DGKB: variants seen among roughly 807,000 people sequenced by gnomAD.
The protein encoded by DGKB is diacylglycerol kinase beta.
A neutral mutation model predicts 114.3 loss-of-function variants in DGKB; 67 were observed. That is an observed-to-expected ratio of 0.59 (90% confidence interval 0.48 to 0.72). DGKB has a LOEUF of 0.72. Among genes scored for constraint, DGKB ranks in the 30% least tolerant of loss-of-function variants. The pLI is 0.00. For missense variants in DGKB, 907 were observed against 975.2 expected (o/e 0.93, Z 0.93); for synonymous variants, 398 against 323.1 (o/e 1.23, Z -2.49).
chr7:14,859,487 G>A (rs986678917), intron 1 of DGKB, among the ~76,000 whole-genome samples: 3 of 152,094 alleles, frequency 2.0e-5, no homozygotes, highest in African/African-American at 7.2e-5. Flanking sequence ...CTCAAGTACA[G>A]GGGAACACTG....
At chr7:14,501,380 C>CT (rs80112636) in intron 20 of DGKB, among the ~76,000 whole-genome samples, 1 of 88,974 alleles carries the variant, frequency 1.1e-5, no homozygotes, top group Non-Finnish European at 2.1e-5. Context: ...TCTGATTGAG[C>CT]AACTTATAAT....
chr7:14,259,250 A>AT (rs1450582850), intron 23 of DGKB, among the ~76,000 whole-genome samples: 2 of 152,172 alleles, frequency 1.3e-5, no homozygotes, highest in East Asian at 3.9e-4. Flanking sequence ...AAAAAAGCCT[A>AT]TTTTATATAT....
At chr7:14,437,963 T>G (rs992673890) in intron 21 of DGKB, among the ~76,000 whole-genome samples, 3 of 151,840 alleles carry the variant, frequency 2.0e-5, no homozygotes, top group African/African-American at 7.3e-5. Flanking sequence ...TTACAAAAAT[T>G]CTTTCATTGC....
At chr7:14,807,346 T>C (rs1842898583) in intron 2 of DGKB, among the ~76,000 whole-genome samples, 1 of 150,370 alleles carries the variant, frequency 6.7e-6, no homozygotes, top group Admixed American at 6.6e-5. Flanking sequence ...ACTTAAATTT[T>C]TAATAAATAA....
At chr7:14,511,573 C>T (rs1426715588) in intron 20 of DGKB, among the ~76,000 whole-genome samples, 1 of 152,188 alleles carries the variant, frequency 6.6e-6, no homozygotes, top group Non-Finnish European at 1.5e-5. Context: ...GGCTGTTTCA[C>T]TTTCACTTCA....
At chr7:14,334,919 T>G (rs1278755914) in intron 23 of DGKB, among the ~76,000 whole-genome samples, 1 of 152,202 alleles carries the variant, frequency 6.6e-6, no homozygotes, top group African/African-American at 2.4e-5. Context: ...ATATAATACA[T>G]TTATTTGTAT....
intron 1 of DGKB, among the ~76,000 whole-genome samples, chr7:14,852,885 A>G (rs181819390): frequency 6.6e-6 from 1 of 152,046 alleles, no homozygotes; most frequent in Non-Finnish European, 1.5e-5. Flanking sequence ...CCAGTGAAAA[A>G]CTCCTTTCCC....
chr7:14,383,888 C>T (rs1819896547), intron 21 of DGKB, among the ~76,000 whole-genome samples: 1 of 152,176 alleles, frequency 6.6e-6, no homozygotes, highest in African/African-American at 2.4e-5. Flanking sequence ...TAAGTGGTGT[C>T]ATTTGGCACA....
At chr7:14,301,721 G>A (rs1181763822) in intron 23 of DGKB, among the ~76,000 whole-genome samples, 3 of 152,026 alleles carry the variant, frequency 2.0e-5, no homozygotes, top group Non-Finnish European at 2.9e-5. Context: ...ACATTTGAAG[G>A]CTTAGAAGAC....
intron 1 of DGKB, among the ~76,000 whole-genome samples, chr7:14,972,306 T>C (rs1387268556): frequency 1.3e-5 from 2 of 152,144 alleles, no homozygotes; most frequent in African/African-American, 4.8e-5. Context: ...CTAAAAGCTA[T>C]TTGATGTAAC....
intron 1 of DGKB, among the ~76,000 whole-genome samples, chr7:14,913,986 T>A (rs995856299): frequency 6.6e-6 from 1 of 152,132 alleles, no homozygotes; most frequent in East Asian, 1.9e-4. Context: ...GTATTAATAG[T>A]TAAATGTAGC....
chr7:14,267,259 A>C (rs1166940965), intron 23 of DGKB, among the ~76,000 whole-genome samples: 3 of 152,294 alleles, frequency 2.0e-5, no homozygotes, highest in Non-Finnish European at 2.9e-5. Context: ...TGGAGCCCTG[A>C]GAAACTGTGT....
intron 21 of DGKB, among the ~76,000 whole-genome samples, chr7:14,476,655 A>G (rs146679792): frequency 1.2e-3 from 187 of 152,268 alleles, no homozygotes; most frequent in African/African-American, 4.0e-3. Flanking sequence ...AACTATAAGA[A>G]AAAAGCAAAT....
At chr7:14,953,728 G>C (rs1489777775) in intron 1 of DGKB, among the ~76,000 whole-genome samples, 2 of 152,224 alleles carry the variant, frequency 1.3e-5, no homozygotes, top group East Asian at 3.9e-4. Context: ...ATATGCTCAT[G>C]CATAAACTTG....
intron 2 of DGKB, among the ~76,000 whole-genome samples, chr7:14,768,334 T>G (rs1481971115): frequency 6.6e-6 from 1 of 151,984 alleles, no homozygotes; most frequent in Admixed American, 6.6e-5. Flanking sequence ...ATCTTGGCTC[T>G]TAGATGATCT....
At chr7:14,801,160 T>A (rs968947020) in intron 2 of DGKB, among the ~76,000 whole-genome samples, 1 of 152,176 alleles carries the variant, frequency 6.6e-6, no homozygotes, top group African/African-American at 2.4e-5. Flanking sequence ...TTCTACATCA[T>A]AGGACTTAAG....
rs56032330 is a variant in DGKB, at chr7:14,923,983, C to CAAAAAAAAAAAAAAAA, written c.-188+50697_-188+50712dup. 2.2e-3 allele frequency among the ~76,000 whole-genome samples: 167 copies of CAAAAAAAAAAAAAAAA among 76,138 alleles called. 11 individuals are homozygous for CAAAAAAAAAAAAAAAA. The highest frequency in any genetic ancestry group is 7.7e-3 in the African/African-American group (105 of 13,692). The allele number at this position is 76,138 out of a possible 152,430, so 49.9% of individuals were successfully genotyped here. ...TGGGCAACACAGTGAAGCTCCATCT[C>CAAAAAAAAAAAAAAAA]AAAAAAAAAAAAAAAAAAAAAGCTT... On this transcript the variant is annotated intron_variant, in intron 1 of 4. Coordinates refer to the DGKB transcript ENST00000437998.
At chr7:14,872,892 T>C (rs2128199885) in intron 1 of DGKB, among the ~76,000 whole-genome samples, 1 of 151,552 alleles carries the variant, frequency 6.6e-6, no homozygotes, top group South Asian at 2.1e-4. Flanking sequence ...AATTTAAAAA[T>C]CAGAGCCAAT....
At chr7:14,195,514 A>G (rs920654870) in intron 23 of DGKB, among the ~76,000 whole-genome samples, 22 of 152,310 alleles carry the variant, frequency 1.4e-4, no homozygotes, top group African/African-American at 4.3e-4. Context: ...TTAAAATGCA[A>G]TGTAATACAG....
Sources: gnomAD v4.1 joint callset for allele counts (sites outside exome capture counted in the v4.1 genomes callset) on GRCh38, gnomAD v4.1.1 for gene constraint, MANE v1.5 for transcripts, NCBI Gene and HGNC (gene_info 2026-07-23, HGNC 2026-07-21) for gene names.